Variants in WDR27 observed in about 807,000 individuals in gnomAD.
WDR27 encodes the protein WD repeat domain 27, also known as WD repeat-containing protein 27.
In WDR27, 100 loss-of-function variants were observed where a neutral mutation model predicts 114.4. The ratio of observed to expected loss-of-function variants is 0.87; its 90% CI spans 0.74 to 1.03. The LOEUF (loss-of-function observed/expected upper bound fraction) is 1.03. WDR27 is among the 50% of genes least tolerant of loss of function. WDR27 has a pLI of 0.00. For missense variants in WDR27, 1,129 were observed against 1,092.9 expected (o/e 1.03, Z -0.47); for synonymous variants, 449 against 423.1 (o/e 1.06, Z -0.75).
chr6:169,613,103 A>G (rs1252021812), intron 22 of WDR27, among the ~76,000 whole-genome samples: 1 of 152,242 alleles, frequency 6.6e-6, no homozygotes, highest in South Asian at 2.1e-4. Flanking sequence ...AATGAGAAGT[A>G]ATTTACTTAA....
At chr6:169,666,703 A>C (rs2128285920) in intron 6 of WDR27, 1 of 987,734 alleles carries the variant, frequency 1.0e-6, no homozygotes, top group Non-Finnish European at 1.2e-6. Flanking sequence ...CCTGGCATTC[A>C]CGAGCTGCAC....
chr6:169,580,948 T>TACAC, intron 24 of WDR27, among the ~76,000 whole-genome samples: 1 of 96,988 alleles, frequency 1.0e-5, no homozygotes, highest in African/African-American at 2.9e-5. Context: ...TATATATATA[T>TACAC]ATATACATAT....
the WDR27 span, among the ~76,000 whole-genome samples, chr6:169,444,535 G>A: frequency 6.6e-6 from 1 of 152,276 alleles, no homozygotes; most frequent in East Asian, 1.9e-4. Flanking sequence ...GCCGGCAGGG[G>A]CCACACGTCT....
intron 25 of WDR27, among the ~76,000 whole-genome samples, chr6:169,550,442 T>C (rs1797948947): frequency 6.6e-6 from 1 of 152,040 alleles, no homozygotes; most frequent in Non-Finnish European, 1.5e-5. Context: ...TATTTTGAGA[T>C]AGGGTATCAC....
At chr6:169,569,382 A>G (rs1000316578) in intron 25 of WDR27, among the ~76,000 whole-genome samples, 1 of 152,228 alleles carries the variant, frequency 6.6e-6, no homozygotes, top group Non-Finnish European at 1.5e-5. Flanking sequence ...CTCACAATGA[A>G]CAGATTAAAT....
intron 23 of WDR27, among the ~76,000 whole-genome samples, chr6:169,593,536 T>C (rs1806178350): frequency 6.6e-6 from 1 of 152,178 alleles, no homozygotes; most frequent in South Asian, 2.1e-4. Flanking sequence ...GTTTATTTTG[T>C]TGCTTGTGTT....
At chr6:169,581,232 T>A (rs1407563971) in intron 24 of WDR27, among the ~76,000 whole-genome samples, 1 of 152,154 alleles carries the variant, frequency 6.6e-6, no homozygotes, top group African/African-American at 2.4e-5. Flanking sequence ...AAACATTCTG[T>A]CAGTCAGGCT....
intron 22 of WDR27, 41 bp downstream of exon 22, chr6:169,613,518 A>G (rs1301766839): frequency 4.6e-6 from 7 of 1,513,186 alleles, no homozygotes; most frequent in Non-Finnish European, 6.4e-6. Flanking sequence ...ATATCTCTTG[A>G]GCTCCCCACC....
intron 25 of WDR27, among the ~76,000 whole-genome samples, chr6:169,545,916 C>A (rs939081890): frequency 1.3e-5 from 2 of 150,922 alleles, no homozygotes; most frequent in African/African-American, 4.9e-5. Context: ...ACAAAGAGTA[C>A]AATTAGAAAA....
intron 25 of WDR27, among the ~76,000 whole-genome samples, chr6:169,549,177 T>C (rs186648117): frequency 2.1e-4 from 32 of 152,206 alleles, no homozygotes; most frequent in Admixed American, 1.7e-3. Flanking sequence ...CTATCTAATA[T>C]ATACAAAAGA....
At chr6:169,476,493 C>A (rs910371771) in intron 25 of WDR27, among the ~76,000 whole-genome samples, 24 of 152,318 alleles carry the variant, frequency 1.6e-4, no homozygotes, top group African/African-American at 5.3e-4. Context: ...TCTGGGCTTC[C>A]AGAGCTCAGG....
intron 1 of WDR27, among the ~76,000 whole-genome samples, chr6:169,692,770 G>A (rs1042133663): frequency 3.9e-5 from 6 of 152,138 alleles, no homozygotes; most frequent in Non-Finnish European, 8.8e-5. Flanking sequence ...CACAGCAGCT[G>A]CAGCAAGCCC....
intron 25 of WDR27, among the ~76,000 whole-genome samples, chr6:169,525,911 C>T (rs1016100384): frequency 6.6e-6 from 1 of 152,112 alleles, no homozygotes; most frequent in Non-Finnish European, 1.5e-5. Flanking sequence ...CAGCCATAAA[C>T]AATGCAATCC....
chr6:169,576,371 T>C lies in WDR27; in HGVS notation c.2524-3831A>G, dbSNP rs549385033. Among the ~76,000 whole-genome samples the C allele has an allele frequency of 2.7e-4, 41 of 152,304 alleles. 1 individual carries two copies. The highest frequency in any genetic ancestry group is 5.7e-4 in the Non-Finnish European group (39 of 68,028). ...GAGATGAAGGGGATGCCAGACAGAA[T>C]TGGATGACCTTCCATGAGTGTCAGG... On this transcript the variant is annotated intron_variant, in intron 24 of 25. Coordinates refer to ENST00000448612, the MANE Select transcript of WDR27 (RefSeq NM_182552.5).
At chr6:169,563,218 A>T (rs1223463874) in intron 25 of WDR27, among the ~76,000 whole-genome samples, 1 of 152,134 alleles carries the variant, frequency 6.6e-6, no homozygotes, top group Non-Finnish European at 1.5e-5. Context: ...TGCCAGCCGC[A>T]GTTGAACCCA....
rs566523880 is a variant in WDR27, at chr6:169,615,412, G to C, written c.2224-1756C>G. ...CCTCAAGCAGACCCCAGTGTCTGTG[G>C]TTCTCTTCTTTGTGTTCATGAGTTC... On this transcript the variant is annotated intron_variant, in intron 21 of 25. Transcript: ENST00000448612. Among the ~76,000 whole-genome samples the C allele has an allele frequency of 3.3e-5, 5 of 152,200 alleles. No homozygotes were observed. In the South Asian group the frequency reaches 1.0e-3, roughly 32 times the overall value.
chr6:169,689,064 G>GA (rs1169182888), intron 1 of WDR27, 52 bp from the exon 2 acceptor site: 9 of 1,371,922 alleles, frequency 6.6e-6, no homozygotes, highest in African/African-American at 5.9e-5. Flanking sequence ...ATTTAATACA[G>GA]AAAAAAAGTC....
At chr6:169,553,067 T>G (rs1460235845) in intron 25 of WDR27, among the ~76,000 whole-genome samples, 4 of 141,152 alleles carry the variant, frequency 2.8e-5, no homozygotes, top group Admixed American at 2.1e-4. Context: ...CCTGTGTGTG[T>G]GTGTGTGTGT....
intron 25 of WDR27, among the ~76,000 whole-genome samples, chr6:169,506,618 A>G (rs1792029391): frequency 6.6e-6 from 1 of 152,258 alleles, no homozygotes; most frequent in Non-Finnish European, 1.5e-5. Context: ...GCACATGAGT[A>G]GGGTAAAAAC....
Sources: gnomAD v4.1 joint callset for allele counts (sites outside exome capture counted in the v4.1 genomes callset) on GRCh38, gnomAD v4.1.1 for gene constraint, MANE v1.5 for transcripts, NCBI Gene and HGNC (gene_info 2026-07-23, HGNC 2026-07-21) for gene names.